The following ACAD10 variants were observed in gnomAD, a reference collection of about 807,000 sequenced individuals.
The protein encoded by ACAD10 is ACAD-10.
In ACAD10, 112 loss-of-function variants were observed where a neutral mutation model predicts 116.8. The ratio of observed to expected loss-of-function variants is 0.96; its 90% CI spans 0.82 to 1.12. ACAD10 has a LOEUF of 1.12. Ranked by LOEUF, ACAD10 falls within the 50% of genes most tolerant of loss-of-function variation. The probability of loss-of-function intolerance (pLI) is 0.00; values close to 1 mark genes in which losing one functional copy is unlikely to be tolerated. For missense variants in ACAD10, 1,259 were observed against 1,350.2 expected (o/e 0.93, Z 1.06); for synonymous variants, 486 against 510.6 (o/e 0.95, Z 0.65).
chr12:111,744,819 A>G lies in ACAD10; in HGVS notation c.1891A>G (p.Thr631Ala), dbSNP rs1889843193. 6.2e-7 allele frequency: 1 copy of G among 1,614,200 alleles called. No individual in the cohort carries two copies. Among genetic ancestry groups the G allele is most frequent in the African/African-American group, 1.3e-5 (1 of 75,064 alleles). The part of the protein sequence containing the change: ...WARPQSQWCP[T>A]GSRSYSSVPE... ...CAGGCCCCAGTCCCAGTGGTGCCCC[A>G]CAGGCAGCAGGAGTTATAGCTCCGT... Residue 631 changes from threonine to alanine, a missense_variant, in exon 13 of 21, where the codon ACA becomes GCA. Physicochemically the swap from Thr to Ala is moderately conservative, Grantham distance 58 (BLOSUM62 0). Coordinates refer to ENST00000313698, the MANE Select transcript of ACAD10 (RefSeq NM_025247.6).
intron 11 of ACAD10, among the ~76,000 whole-genome samples, chr12:111,734,886 A>G (rs191568297): frequency 6.6e-6 from 1 of 152,090 alleles, no homozygotes; most frequent in African/African-American, 2.4e-5. Flanking sequence ...TATTTCTTCT[A>G]TAGCATAATT....
At chr12:111,749,429 C>T (rs1890008750) in intron 18 of ACAD10, 84 bp downstream of exon 18, 3 of 1,515,194 alleles carry the variant, frequency 2.0e-6, no homozygotes, top group Admixed American at 1.9e-5. Context: ...TACCTGTTTT[C>T]TGAGTGCAGT....
intron 8 of ACAD10, among the ~76,000 whole-genome samples, chr12:111,723,241 G>A (rs1199277567): frequency 2.2e-5 from 3 of 135,258 alleles, no homozygotes; most frequent in Non-Finnish European, 3.3e-5. Context: ...CGGGCAGAGG[G>A]GCTCCTCACT....
intron 17 of ACAD10, 187 bp downstream of exon 17, chr12:111,748,662 C>T (rs1243399311): frequency 1.4e-6 from 1 of 700,584 alleles, no homozygotes; most frequent in Admixed American, 3.0e-5. Context: ...GGATTTCAGA[C>T]AGGCATTTAT....
rs983953065 is a variant in ACAD10 at position 111,744,879 on chromosome 12, G to A, written c.1951G>A (p.Gly651Ser). ...TTCCCCAGCTCATACCTCAAGGGGA[G>A]GTCTGGTTATCTCTCCAGAGAGCCT... The part of the protein sequence containing the change: ...EASPAHTSRG[G>S]LVISPESLSP... Residue 651 changes from glycine to serine, a missense_variant, in exon 13 of 21, where the codon GGT (glycine) becomes AGT (serine). Transcript: ENST00000313698. The A allele has an allele frequency of 1.9e-6, 3 of 1,614,180 alleles. No individual in the cohort carries two copies. The highest frequency in any genetic ancestry group is 2.5e-6 in the Non-Finnish European group (3 of 1,180,028).
At chr12:111,732,185 A>G (rs1566160015) in intron 10 of ACAD10, among the ~76,000 whole-genome samples, 1 of 152,228 alleles carries the variant, frequency 6.6e-6, no homozygotes, top group Non-Finnish European at 1.5e-5. Flanking sequence ...GCTTTGCACC[A>G]AGAGACTCAG....
intron 2 of ACAD10, among the ~76,000 whole-genome samples, chr12:111,696,895 C>T (rs370898614): frequency 3.9e-5 from 6 of 152,128 alleles, no homozygotes; most frequent in African/African-American, 1.4e-4. Context: ...TCTTGGCTAA[C>T]GTGGTGAAAC....
At chr12:111,742,401 C>T (rs61228394) in intron 12 of ACAD10, among the ~76,000 whole-genome samples, 2,357 of 152,316 alleles carry the variant, frequency 0.015, 71 homozygotes, top group African/African-American at 0.053. Flanking sequence ...TTCTGACTGA[C>T]TTCCCTGGGT....
intron 7 of ACAD10, among the ~76,000 whole-genome samples, chr12:111,717,430 A>C (rs189698760): frequency 6.6e-6 from 1 of 152,134 alleles, no homozygotes; most frequent in African/African-American, 2.4e-5. Context: ...CTTTATAGCC[A>C]GTCTGTGAGA....
chr12:111,734,079 C>T lies in ACAD10; in HGVS notation c.1540+11C>T. 1.9e-6 allele frequency: 3 copies of T among 1,614,092 alleles called. No homozygotes were observed. Among genetic ancestry groups the T allele is most frequent in the Non-Finnish European group, 2.5e-6 (3 of 1,179,994 alleles). On this transcript the variant is annotated intron_variant, in intron 11 of 20. Coordinates refer to ENST00000313698, the MANE Select transcript of ACAD10 (RefSeq NM_025247.6). The stretch of plus-strand genomic sequence containing the variant: ...TTCCCGTGCTGAGAGGTAGGAACTG[C>T]TGCTGGAGGATAGTGGGGGAGCAAG...
chr12:111,702,430 G>A (rs1350583316), intron 3 of ACAD10, 120 bp downstream of exon 3: 1 of 1,375,012 alleles, frequency 7.3e-7, no homozygotes, highest in Non-Finnish European at 9.9e-7. Context: ...CCCATTACAT[G>A]TTTTAAAGTT....
At chr12:111,692,395 G>C (rs659964) in intron 1 of ACAD10, among the ~76,000 whole-genome samples, 25,676 of 152,186 alleles carry the variant, frequency 0.17, 2,285 homozygotes, top group East Asian at 0.28. Flanking sequence ...ATGCAAAGAG[G>C]TAGATGAGAT....
Position 111,755,003 on chromosome 12 carries a change from A to T in ACAD10, c.2962-665A>T, listed in dbSNP as rs546947972. Among the ~76,000 whole-genome samples the T allele has an allele frequency of 6.2e-4, 94 of 152,306 alleles. 1 individual carries two copies. The highest frequency in any genetic ancestry group is 2.0e-3 in the African/African-American group (83 of 41,560). ...GCCTCACCCAGCTCACATCAGCGAG[A>T]CCTTGGGGCCTCTGTTTTGGACGGT... On this transcript the variant is annotated intron_variant, in intron 19 of 20. Transcript: ENST00000313698.
chr12:111,706,177 C>T (rs903997248), intron 4 of ACAD10, among the ~76,000 whole-genome samples: 1 of 152,180 alleles, frequency 6.6e-6, no homozygotes, highest in East Asian at 1.9e-4. Context: ...ATTCTAAATT[C>T]GAACCTTAGT....
intron 7 of ACAD10, among the ~76,000 whole-genome samples, chr12:111,716,961 A>G (rs12300052): frequency 6.6e-6 from 1 of 152,234 alleles, no homozygotes; most frequent in Non-Finnish European, 1.5e-5. Context: ...TCGCAATGAC[A>G]GTAATAGTAA....
At position 111,736,882 on chromosome 12, in the gene ACAD10, A is replaced by G. The variant is rs1889581352; in HGVS notation, c.1592A>G (p.Tyr531Cys). Residue 531 changes from tyrosine (Y) to cysteine (C), a missense_variant, in exon 12 of 21, where the codon TAT becomes TGT. Tyr to Cys is a radical substitution (Grantham distance 194). Transcript: ENST00000313698. ...TQLGIPAAEE[Y>C]FRMYCLQMGL... Reference sequence around the variant, plus strand: ...CTGGGAATCCCTGCTGCAGAGGAGTATTTCAGGATGTACTGTCTCCAAATG... The same window carrying G: ...CTGGGAATCCCTGCTGCAGAGGAGTGTTTCAGGATGTACTGTCTCCAAATG... 2 of 1,614,142 alleles carry G rather than the reference A, an allele frequency of 1.2e-6. No individual in the cohort carries two copies. Among genetic ancestry groups the G allele is most frequent in the Non-Finnish European group, 1.7e-6 (2 of 1,180,016 alleles).
intron 3 of ACAD10, among the ~76,000 whole-genome samples, 177 bp from the exon 4 acceptor site, chr12:111,705,561 T>G (rs746565042): frequency 1.3e-5 from 2 of 152,188 alleles, no homozygotes; most frequent in Admixed American, 1.3e-4. Flanking sequence ...AAACCTTATA[T>G]GAGAGTTCAG....
chr12:111,721,559 CTG>C, intron 7 of ACAD10, 110 bp from the exon 8 acceptor site: 4 of 1,001,030 alleles, frequency 4.0e-6, no homozygotes, highest in Non-Finnish European at 5.9e-6. Flanking sequence ...CAGAGCGAGA[CTG>C]TGTCTCAAAA....
At chr12:111,746,030 C>T (rs1339807930) in intron 13 of ACAD10, 114 bp from the exon 14 acceptor site, 13 of 1,369,690 alleles carry the variant, frequency 9.5e-6, no homozygotes, top group African/African-American at 2.9e-5. Flanking sequence ...TTTGGGCACA[C>T]GTGCATGTTT....
Sources: allele counts gnomAD v4.1 joint callset (sites outside exome capture counted in the v4.1 genomes callset), GRCh38; gene constraint gnomAD v4.1.1; transcripts MANE v1.5; gene names NCBI Gene and HGNC (gene_info 2026-07-23, HGNC 2026-07-21).